Variants in CCDC18 observed in about 807,000 individuals in gnomAD.
CCDC18 encodes coiled-coil domain-containing protein 18.
In CCDC18, 157 loss-of-function variants were observed where a neutral mutation model predicts 196.0. The observed-to-expected ratio is 0.80, with a 90% CI of 0.70 to 0.91. CCDC18 has a LOEUF of 0.91. Among genes scored for constraint, CCDC18 ranks in the 40% least tolerant of loss-of-function variants. CCDC18 has a pLI of 0.00. For missense variants in CCDC18, 1,465 were observed against 1,611.6 expected, an observed-to-expected ratio of 0.91 and a Z score of 1.56; for synonymous variants, 482 against 529.2, an observed-to-expected ratio of 0.91 and a Z score of 1.22.
At chr1:93,205,693 TA>T in intron 8 of CCDC18, 62 bp downstream of exon 8, 1 of 1,381,796 alleles carries the variant, frequency 7.2e-7, no homozygotes, top group Non-Finnish European at 1.0e-6. Flanking sequence ...TGAAACACTT[TA>T]AAACACAATA....
In CCDC18 at chr1:93,258,979, T is replaced by C. The variant is rs1194069519; in HGVS notation, c.3684+94T>C. 4 of 996,606 alleles carry C rather than the reference T, an allele frequency of 4.0e-6. No individual in the cohort carries two copies. The African/African-American group carries it at 5.1e-5, about 13-fold the overall frequency. 61.7% of individuals were successfully genotyped at this position (996,606 alleles called of 1,614,324 possible). A position where few individuals can be genotyped will look rare whatever the true frequency, so the allele number is the denominator to read the frequency against. On this transcript the variant is annotated intron_variant, in intron 26 of 28. Transcript: ENST00000690025. ...GAGTCCAGCTCTTAAGTGTTCATTA[T>C]TGAATAATACATTGTGGTCTTCATT...
At chr1:93,202,063 A>T (rs1653926160) in intron 7 of CCDC18, 75 bp downstream of exon 7, 4 of 791,786 alleles carry the variant, frequency 5.1e-6, no homozygotes, top group Non-Finnish European at 8.1e-6. Context: ...GAATAATTAA[A>T]ATATGTTTAT....
intron 17 of CCDC18, among the ~76,000 whole-genome samples, chr1:93,227,969 A>ATATATATAT (rs1199036758): frequency 4.0e-4 from 40 of 101,252 alleles, no homozygotes; most frequent in African/African-American, 2.0e-3. Context: ...AAAAAAAAAA[A>ATATATATAT]AAATATATAT....
intron 4 of CCDC18, chr1:93,191,059 A>C: frequency 1.3e-6 from 1 of 787,202 alleles, no homozygotes. Context: ...AATGTTCACC[A>C]TGTTTGCGGG....
At position 93,197,556 on chromosome 1, in the gene CCDC18, C is replaced by T. The variant is rs945799548; in HGVS notation, c.698+3812C>T. On this transcript the variant is annotated intron_variant, in intron 6 of 28. Coordinates refer to ENST00000690025, the MANE Select transcript of CCDC18 (RefSeq NM_001378204.1). ...TATATGTGTGTGTGTATATATATAG[C>T]TATTAGGGTTATCAAATCAGTAATT... Among the ~76,000 whole-genome samples, 3 of 151,242 alleles carry T rather than the reference C, an allele frequency of 2.0e-5. No homozygotes were observed. In the East Asian group the frequency reaches 5.8e-4, roughly 29 times the overall value.
chr1:93,267,817 C>A (rs556881434), intron 27 of CCDC18, among the ~76,000 whole-genome samples: 19 of 152,284 alleles, frequency 1.2e-4, no homozygotes, highest in East Asian at 5.8e-4. Flanking sequence ...ACATTCCATG[C>A]TCATGGATAG....
At chr1:93,265,197 A>G (rs56281837) in intron 27 of CCDC18, among the ~76,000 whole-genome samples, 13,585 of 152,150 alleles carry the variant, frequency 0.089, 1,998 homozygotes, top group African/African-American at 0.31. Flanking sequence ...AAAATCAGCA[A>G]AGTTCTTTTA....
At chr1:93,256,634 G>T in intron 25 of CCDC18, 96 bp downstream of exon 25, 1 of 970,382 alleles carries the variant, frequency 1.0e-6, no homozygotes, top group East Asian at 2.6e-5. Flanking sequence ...AAAATGAACT[G>T]TATTGCACAA....
chr1:93,214,887 C>CT lies in CCDC18; in HGVS notation c.1641dup (p.His548SerfsTer4). 6.2e-7 allele frequency: 1 copy of CT among 1,613,358 alleles called. No homozygotes were observed. Among genetic ancestry groups the CT allele is most frequent in the African/African-American group, 1.3e-5 (1 of 75,018 alleles). ...AATTCTGATTTGAAGGTTAACATGGCTCACAGAACTAGTCAGTTTCAGCTG... is the reference window on the plus strand; with the variant it reads ...AATTCTGATTTGAAGGTTAACATGGCTTCACAGAACTAGTCAGTTTCAGCTG... On this transcript the variant is annotated frameshift_variant, in exon 12 of 29. Coordinates refer to ENST00000690025, the MANE Select transcript of CCDC18 (RefSeq NM_001378204.1). LOFTEE classifies it high-confidence loss of function.
At chr1:93,211,807 G>A (rs572774906) in intron 10 of CCDC18, among the ~76,000 whole-genome samples, 1 of 152,154 alleles carries the variant, frequency 6.6e-6, no homozygotes, top group East Asian at 1.9e-4. Flanking sequence ...CCTTGTACAT[G>A]TTTTCTTATA....
At chr1:93,183,544 A>G in intron 2 of CCDC18, 49 bp downstream of exon 2, 7 of 1,286,660 alleles carry the variant, frequency 5.4e-6, no homozygotes, top group Non-Finnish European at 7.3e-6. Context: ...TAAATACATC[A>G]ATGTAAAATG....
Position 93,270,433 on chromosome 1 carries a change from T to A in CCDC18, c.3972T>A (p.Ser1324=). The part of the protein sequence containing the change: ...DIKFLPAPFT[S]PTEIMPDVQD... ...AGTTTCTGCCAGCCCCATTTACATCTCCAACAGAAATTATGCCTGATGTTC... is the reference window on the plus strand; with the variant it reads ...AGTTTCTGCCAGCCCCATTTACATCACCAACAGAAATTATGCCTGATGTTC... Residue 1324 remains serine (S), a synonymous_variant, in exon 28 of 29, where the codon TCT becomes TCA. Coordinates refer to ENST00000690025, the MANE Select transcript of CCDC18 (RefSeq NM_001378204.1). The A allele has an allele frequency of 6.4e-7, 1 of 1,550,400 alleles. No homozygotes were observed. The highest frequency in any genetic ancestry group is 1.7e-4 in the Middle Eastern group (1 of 5,988).
In CCDC18 at chr1:93,212,159, A is replaced by T. The variant is rs754920456; in HGVS notation, c.1393A>T (p.Asn465Tyr). ...AAAGCTTCATGCAAACCTGACTGCA[A>T]ATCAGTTATCTCAGAGTCTTATTAC... ...IQKLHANLTA[N>Y]QLSQSLITCN... Residue 465 changes from asparagine (N) to tyrosine (Y), a missense_variant, in exon 11 of 29, where the codon AAT becomes TAT. Asn to Tyr is a moderately radical substitution (Grantham distance 143). Transcript: ENST00000690025. The T allele has an allele frequency of 7.4e-6, 12 of 1,611,358 alleles. No individual in the cohort carries two copies. In the East Asian group the frequency reaches 2.5e-4, roughly 33 times the overall value.
intron 21 of CCDC18, among the ~76,000 whole-genome samples, chr1:93,245,070 A>G (rs1331907367): frequency 1.3e-5 from 2 of 152,216 alleles, no homozygotes; most frequent in East Asian, 1.9e-4. Flanking sequence ...ACCTATTACA[A>G]TGTAAACTCA....
chr1:93,190,187 C>G (rs1351152690), intron 4 of CCDC18, among the ~76,000 whole-genome samples: 1 of 151,954 alleles, frequency 6.6e-6, no homozygotes, highest in Non-Finnish European at 1.5e-5. Flanking sequence ...AGGCCTCTGA[C>G]TTTTATGTTA....
intron 24 of CCDC18, among the ~76,000 whole-genome samples, chr1:93,254,849 G>T (rs1662722001): frequency 6.7e-6 from 1 of 148,572 alleles, no homozygotes; most frequent in Non-Finnish European, 1.5e-5. Flanking sequence ...GCCTTTGCAT[G>T]GTATCTTTCA....
intron 23 of CCDC18, among the ~76,000 whole-genome samples, chr1:93,250,883 A>C (rs1443323122): frequency 6.6e-6 from 1 of 152,210 alleles, no homozygotes; most frequent in Non-Finnish European, 1.5e-5. Flanking sequence ...GGAAGCATAT[A>C]GTTGGATTTG....
intron 1 of CCDC18, among the ~76,000 whole-genome samples, chr1:93,181,574 T>G (rs943890515): frequency 1.3e-5 from 2 of 152,202 alleles, no homozygotes; most frequent in African/African-American, 4.8e-5. Context: ...GAAAACATTT[T>G]AGTATCAAAT....
chr1:93,230,680 G>A (rs181462898), intron 17 of CCDC18, among the ~76,000 whole-genome samples: 7 of 152,160 alleles, frequency 4.6e-5, no homozygotes, highest in Non-Finnish European at 1.0e-4. Flanking sequence ...TTATTATGTG[G>A]TAAGGCTTTG....
Sources: allele counts gnomAD v4.1 joint callset (sites outside exome capture counted in the v4.1 genomes callset), GRCh38; gene constraint gnomAD v4.1.1; transcripts MANE v1.5; gene names NCBI Gene and HGNC (gene_info 2026-07-23, HGNC 2026-07-21).